The following ATAD2B variants were observed in gnomAD, a reference collection of about 807,000 sequenced individuals.
ATAD2B encodes the protein ATPase family AAA domain containing 2B, also known as ATPase family AAA domain-containing protein 2B.
In ATAD2B, 40 loss-of-function variants were observed where a neutral mutation model predicts 167.6. The observed-to-expected ratio is 0.24, with a 90% CI of 0.19 to 0.31. The LOEUF (loss-of-function observed/expected upper bound fraction) is 0.31, where lower values mean the gene tolerates loss of function less well. Ranked by LOEUF, ATAD2B falls within the 10% of genes least tolerant of loss-of-function variation. ATAD2B has a pLI of 1.00. For missense variants in ATAD2B, 1,242 were observed against 1,757.2 expected, an observed-to-expected ratio of 0.71 and a Z score of 5.24; for synonymous variants, 579 against 596.5, an observed-to-expected ratio of 0.97 and a Z score of 0.43.
At chr2:23,705,621 G>C in the ATAD2B span, among the ~76,000 whole-genome samples, 1 of 152,166 alleles carries the variant, frequency 6.6e-6, no homozygotes, top group Non-Finnish European at 1.5e-5. Flanking sequence ...AACTAAGGGA[G>C]AGAAGACTGG....
the ATAD2B span, among the ~76,000 whole-genome samples, chr2:23,711,409 A>G: frequency 1.3e-4 from 15 of 112,782 alleles, no homozygotes; most frequent in South Asian, 3.4e-3. Context: ...TCTGTTGCCC[A>G]GGCTGGATGG....
chr2:23,757,735 T>G lies in ATAD2B; in HGVS notation c.3761A>C (p.Glu1254Ala). 3.7e-6 allele frequency: 6 copies of G among 1,608,350 alleles called. No individual in the cohort carries two copies. The highest frequency in any genetic ancestry group is 5.1e-6 in the Non-Finnish European group (6 of 1,178,056). Reference sequence around the variant, plus strand: ...GAAAGTCTCTTTCCTGGAGGTCTGCTCCGGGTTTAAGGAACTGCTGCTGTT... The same window carrying G: ...GAAAGTCTCTTTCCTGGAGGTCTGCGCCGGGTTTAAGGAACTGCTGCTGTT... The part of the protein sequence containing the change: ...LVNSSSSLNP[E>A]QTSRKETFLK... Residue 1254 changes from glutamate (E) to alanine (A), a missense_variant, in exon 25 of 28, where the codon GAG (glutamate) becomes GCG (alanine). Transcript: ENST00000238789.
rs1258611160 is a variant in ATAD2B at position 23,757,721 on chromosome 2, T to C, written c.3775A>G (p.Lys1259Glu). 2 of 1,611,416 alleles carry C rather than the reference T, an allele frequency of 1.2e-6. No individual in the cohort carries two copies. The highest frequency in any genetic ancestry group is 8.5e-7 in the Non-Finnish European group (1 of 1,179,082). Reference sequence around the variant, plus strand: ...CAATTTCCTTTAAGGAAAGTCTCTTTCCTGGAGGTCTGCTCCGGGTTTAAG... The same window carrying C: ...CAATTTCCTTTAAGGAAAGTCTCTTCCCTGGAGGTCTGCTCCGGGTTTAAG... ...SSLNPEQTSRKETFLKGNCLN... is the reference protein window; with the variant it reads ...SSLNPEQTSREETFLKGNCLN... The change falls in exon 25 of 28, where the codon AAA becomes GAA. Residue 1259 changes from lysine (K) to glutamate (E), a missense_variant. Around this residue, in one of 9 missense-constraint regions of ATAD2B, gnomAD observed 282 missense variants for 346.8 expected, o/e 0.81. Coordinates refer to ENST00000238789, the MANE Select transcript of ATAD2B (RefSeq NM_017552.4).
chr2:23,747,219 TA>T (rs1674937614), downstream of ATAD2B, among the ~76,000 whole-genome samples: 1 of 152,030 alleles, frequency 6.6e-6, no homozygotes, highest in African/African-American at 2.4e-5. Context: ...TACTGTTTTA[TA>T]AATTATATTT....
intron 21 of ATAD2B, among the ~76,000 whole-genome samples, chr2:23,784,052 CA>C: frequency 6.6e-6 from 1 of 152,132 alleles, no homozygotes; most frequent in East Asian, 1.9e-4. Context: ...AAAAACCAGT[CA>C]ATCTCCCTAT....
intron 22 of ATAD2B, among the ~76,000 whole-genome samples, chr2:23,774,546 G>T (rs1344793056): frequency 2.6e-5 from 4 of 152,164 alleles, no homozygotes; most frequent in Non-Finnish European, 2.9e-5. Flanking sequence ...TATTTCTACA[G>T]AATGTTACCA....
downstream of ATAD2B, among the ~76,000 whole-genome samples, chr2:23,747,557 C>G (rs1674964468): frequency 6.6e-6 from 1 of 152,026 alleles, no homozygotes; most frequent in African/African-American, 2.4e-5. Context: ...TTATTTCCCC[C>G]ATTCCTAAAC....
chr2:23,767,742 G>A (rs1012252492), intron 22 of ATAD2B, among the ~76,000 whole-genome samples: 4 of 152,132 alleles, frequency 2.6e-5, no homozygotes, highest in African/African-American at 9.7e-5. Flanking sequence ...TGGTGGTGGT[G>A]AAAGACAAGA....
chr2:23,819,698 G>A (rs1180009842), intron 17 of ATAD2B, 49 bp downstream of exon 17: 16 of 1,385,842 alleles, frequency 1.2e-5, no homozygotes, highest in Non-Finnish European at 1.6e-5. Flanking sequence ...TAATCATAAA[G>A]TATCAAAAAT....
the ATAD2B span, among the ~76,000 whole-genome samples, chr2:23,735,856 C>T: frequency 3.9e-5 from 6 of 152,326 alleles, no homozygotes; most frequent in Admixed American, 1.3e-4. Flanking sequence ...GTAACTCTTG[C>T]TCCTGTAAAG....
chr2:23,695,479 TC>T, the ATAD2B span: 1 of 653,708 alleles, frequency 1.5e-6, no homozygotes, highest in Non-Finnish European at 2.6e-6. The surrounding 1 kb of genome is among the most constrained non-coding windows in gnomAD (Gnocchi z 7.6). Flanking sequence ...TTCACCTCTG[TC>T]TAGGCTAGCA....
At chr2:23,814,110 A>G (rs1425852023) in intron 17 of ATAD2B, among the ~76,000 whole-genome samples, 3 of 152,166 alleles carry the variant, frequency 2.0e-5, no homozygotes, top group South Asian at 4.1e-4. Flanking sequence ...GAAAAAACAT[A>G]AAAAGAAAAT....
chr2:23,717,951 A>C, the ATAD2B span, among the ~76,000 whole-genome samples: 7 of 152,210 alleles, frequency 4.6e-5, no homozygotes, highest in African/African-American at 9.6e-5. Flanking sequence ...ATAAAAAACG[A>C]ATAATGCCTT....
Position 23,782,255 on chromosome 2 carries a change from C to T in ATAD2B, c.3133+614G>A, listed in dbSNP as rs1680174162. On this transcript the variant is annotated intron_variant, in intron 22 of 27. Transcript: ENST00000238789. ...CACTTCCTTATACTCTAACCAAAAT[C>T]ACTTAACGCAAGTCCAAATCCTATA... 2.0e-5 allele frequency among the ~76,000 whole-genome samples: 3 copies of T among 152,376 alleles called. No individual in the cohort carries two copies. In the South Asian group the frequency reaches 6.2e-4, roughly 32 times the overall value.
At chr2:23,680,640 T>C in the ATAD2B span, among the ~76,000 whole-genome samples, 1 of 151,406 alleles carries the variant, frequency 6.6e-6, no homozygotes, top group African/African-American at 2.4e-5. This position sits in a 1 kb window ranked among gnomAD's most constrained non-coding sequence, Gnocchi z 4.1. Flanking sequence ...GGCCATCTTC[T>C]CCTGGGGTCT....
chr2:23,777,215 C>T (rs1679277354), intron 22 of ATAD2B, among the ~76,000 whole-genome samples: 1 of 152,150 alleles, frequency 6.6e-6, no homozygotes, highest in Non-Finnish European at 1.5e-5. Context: ...TTGATAACCT[C>T]TAGAACTGTG....
At chr2:23,767,837 T>C (rs1173446183) in intron 22 of ATAD2B, among the ~76,000 whole-genome samples, 2 of 152,066 alleles carry the variant, frequency 1.3e-5, no homozygotes, top group African/African-American at 2.4e-5. Context: ...GATGATTTCC[T>C]AGCTTCTTGC....
intron 1 of ATAD2B, 71 bp from the exon 2 acceptor site, chr2:23,896,041 A>G: frequency 2.3e-6 from 3 of 1,313,264 alleles, no homozygotes; most frequent in Non-Finnish European, 3.1e-6. Context: ...ACTAGGGGCC[A>G]GGCAGTGGCT....
intron 1 of ATAD2B, among the ~76,000 whole-genome samples, chr2:23,922,570 G>C (rs890896142): frequency 6.6e-6 from 1 of 151,988 alleles, no homozygotes; most frequent in African/African-American, 2.4e-5. Context: ...TATCTGATAA[G>C]CAGTTAATTT....
Sources: gnomAD v4.1 joint callset for allele counts (sites outside exome capture counted in the v4.1 genomes callset) on GRCh38, gnomAD v4.1.1 for gene constraint, gnomAD v4.1.1 regional missense constraint, Gnocchi (gnomAD v3.1) non-coding constraint, MANE v1.5 for transcripts, NCBI Gene and HGNC (gene_info 2026-07-23, HGNC 2026-07-21) for gene names.